The following JARID2 variants were observed in gnomAD, a reference collection of about 807,000 sequenced individuals.
The protein encoded by JARID2 is jumonji and AT-rich interaction domain containing 2, also known as protein Jumonji.
A neutral mutation model predicts 125.6 loss-of-function variants in JARID2; 21 were observed. The observed-to-expected ratio is 0.17, with a 90% CI of 0.12 to 0.24. The LOEUF is 0.24. Ranked by LOEUF, JARID2 falls within the 10% of genes least tolerant of loss-of-function variation. The probability of loss-of-function intolerance (pLI) is 1.00; values close to 1 mark genes in which losing one functional copy is unlikely to be tolerated. For synonymous variants in JARID2, 736 were observed against 661.6 expected (o/e 1.11, Z -1.73); for missense variants, 1,303 against 1,639.6 (o/e 0.79, Z 3.55).
chr6:15,445,649 C>A (rs992426131), intron 3 of JARID2, among the ~76,000 whole-genome samples: 2 of 152,106 alleles, frequency 1.3e-5, no homozygotes, highest in Non-Finnish European at 2.9e-5. Flanking sequence ...TGTCAGGAGC[C>A]GCCTCTTGGG....
At chr6:15,265,861 C>T (rs1440536683) in intron 1 of JARID2, among the ~76,000 whole-genome samples, 1 of 152,170 alleles carries the variant, frequency 6.6e-6, no homozygotes, top group East Asian at 1.9e-4. Flanking sequence ...ATTCAGACCC[C>T]TTCTCCACTC....
intron 1 of JARID2, among the ~76,000 whole-genome samples, chr6:15,305,966 G>T (rs1761806734): frequency 6.6e-6 from 1 of 152,090 alleles, no homozygotes; most frequent in African/African-American, 2.4e-5. Flanking sequence ...ATTCATCTGT[G>T]GTTTTGGTTA....
chr6:15,499,555 G>A (rs758797134), intron 7 of JARID2, among the ~76,000 whole-genome samples: 1 of 152,162 alleles, frequency 6.6e-6, no homozygotes, highest in Admixed American at 6.5e-5. Context: ...TGGGGGACTC[G>A]TTTTGGTGCC....
intron 3 of JARID2, among the ~76,000 whole-genome samples, chr6:15,417,477 C>T (rs890386875): frequency 9.8e-5 from 15 of 152,306 alleles, no homozygotes; most frequent in Non-Finnish European, 2.1e-4. Context: ...ATGGCTCACA[C>T]CTATAACCCC....
chr6:15,349,246 G>T (rs1350394841), intron 1 of JARID2, among the ~76,000 whole-genome samples: 1 of 152,194 alleles, frequency 6.6e-6, no homozygotes, highest in African/African-American at 2.4e-5. Context: ...TCTAATCCAA[G>T]ATGGTGACTT....
chr6:15,405,820 G>T (rs1307146576), intron 2 of JARID2, among the ~76,000 whole-genome samples: 1 of 152,168 alleles, frequency 6.6e-6, no homozygotes, highest in Non-Finnish European at 1.5e-5. Flanking sequence ...CATTAGCTTG[G>T]CTAATGTTAT....
At chr6:15,258,265 A>G (rs1759741740) in intron 1 of JARID2, among the ~76,000 whole-genome samples, 1 of 152,172 alleles carries the variant, frequency 6.6e-6, no homozygotes, top group South Asian at 2.1e-4. Flanking sequence ...GGGCATTTAC[A>G]GTTTAGTTGG....
intron 3 of JARID2, among the ~76,000 whole-genome samples, chr6:15,415,653 C>T (rs1235917023): frequency 2.7e-5 from 4 of 146,880 alleles, no homozygotes; most frequent in South Asian, 2.2e-4. Context: ...GCTGACCCCC[C>T]CCACCTCCCT....
At chr6:15,258,103 G>C (rs1759735863) in intron 1 of JARID2, among the ~76,000 whole-genome samples, 1 of 152,214 alleles carries the variant, frequency 6.6e-6, no homozygotes, top group African/African-American at 2.4e-5. Flanking sequence ...TCTCAGCCTT[G>C]TTTGTGAGGT....
In JARID2 at chr6:15,520,610, G is replaced by C. The variant is rs1771789980; in HGVS notation, c.*359G>C. ...AAAGGCTTTTTAACCCATTTTTGAA[G>C]AGGGTGAAGTTTGGAGAACAAATTT... On this transcript the variant is annotated 3_prime_UTR_variant, in exon 18 of 18. Transcript: ENST00000341776. 1 of 252,008 alleles carries C rather than the reference G, an allele frequency of 4.0e-6. No individual in the cohort carries two copies. The highest frequency in any genetic ancestry group is 8.0e-6 in the Non-Finnish European group (1 of 124,406). The allele number at this position is 252,008 out of a possible 1,614,324, so 15.6% of individuals were successfully genotyped here.
At chr6:15,255,229 C>G (rs1310607585) in intron 1 of JARID2, among the ~76,000 whole-genome samples, 4 of 148,468 alleles carry the variant, frequency 2.7e-5, no homozygotes, top group African/African-American at 1.0e-4. Context: ...CTCATCCTCT[C>G]GAGTAGCTGG....
rs117814694 is a variant in JARID2 at position 15,367,869 on chromosome 6, G to T, written c.46-6248G>T. ...TTCAAGTCTTTCCAGTCGACTCCAA[G>T]TATCATCCTCTGGGTGGCACCCATT... On this transcript the variant is annotated intron_variant, in intron 1 of 17. Coordinates refer to ENST00000341776, the MANE Select transcript of JARID2 (RefSeq NM_004973.4). Among the ~76,000 whole-genome samples, 83 of 152,300 alleles carry T rather than the reference G, an allele frequency of 5.4e-4. No individual in the cohort carries two copies. The East Asian group carries it at 0.014, about 26-fold the overall frequency.
At chr6:15,366,577 A>G (rs1176793074) in intron 1 of JARID2, among the ~76,000 whole-genome samples, 1 of 151,124 alleles carries the variant, frequency 6.6e-6, no homozygotes, top group Non-Finnish European at 1.5e-5. Flanking sequence ...ATTTCTGTGA[A>G]TTTTAATAAA....
intron 1 of JARID2, among the ~76,000 whole-genome samples, chr6:15,344,682 T>G (rs1763189799): frequency 6.6e-6 from 1 of 152,182 alleles, no homozygotes; most frequent in African/African-American, 2.4e-5. Context: ...CAGCTTTTTA[T>G]TTTACCTTCT....
At chr6:15,248,099 G>A in intron 1 of JARID2, 1 of 985,356 alleles carries the variant, frequency 1.0e-6, no homozygotes, top group Non-Finnish European at 1.2e-6. Flanking sequence ...AGCGGATCGT[G>A]TCTCCGAGTC....
intron 1 of JARID2, among the ~76,000 whole-genome samples, chr6:15,268,267 G>A (rs533049938): frequency 1.3e-5 from 2 of 152,210 alleles, no homozygotes; most frequent in Non-Finnish European, 2.9e-5. Context: ...AACTTTTGCT[G>A]TTGTCAACAG....
chr6:15,265,675 G>T (rs1432825358), intron 1 of JARID2, among the ~76,000 whole-genome samples: 2 of 152,168 alleles, frequency 1.3e-5, no homozygotes, highest in Admixed American at 1.3e-4. Flanking sequence ...GGAGTATTCT[G>T]CAGGGCTCTC....
chr6:15,307,703 T>C (rs1761883407), intron 1 of JARID2, among the ~76,000 whole-genome samples: 1 of 152,158 alleles, frequency 6.6e-6, no homozygotes, highest in African/African-American at 2.4e-5. Flanking sequence ...GGGAGAAATT[T>C]TGTATGTTTC....
intron 17 of JARID2, among the ~76,000 whole-genome samples, chr6:15,518,215 G>C (rs1771658718): frequency 6.6e-6 from 1 of 152,220 alleles, no homozygotes; most frequent in Non-Finnish European, 1.5e-5. Flanking sequence ...GGCACCTTGT[G>C]GGGGTGCAGG....
Sources: allele counts gnomAD v4.1 joint callset (sites outside exome capture counted in the v4.1 genomes callset), GRCh38; gene constraint gnomAD v4.1.1; transcripts MANE v1.5; gene names NCBI Gene and HGNC (gene_info 2026-07-23, HGNC 2026-07-21).